Variants in IAPP observed in about 807,000 individuals in gnomAD.
IAPP encodes Islet amyloid polypeptide (diabetes-associated peptide; amylin).
In IAPP, 4 loss-of-function variants were observed where a neutral mutation model predicts 2.9. The ratio of observed to expected loss-of-function variants is 1.39; its 90% CI spans 0.69 to 3.19. IAPP has a LOEUF of 3.19. IAPP is among the 30% of genes most tolerant of loss of function. IAPP has a pLI of 0.01. For missense variants in IAPP, 114 were observed against 105.3 expected (o/e 1.08, Z -0.36); for synonymous variants, 40 against 42.1 (o/e 0.95, Z 0.19).
At position 21,378,709 on chromosome 12, in the gene IAPP, C is replaced by G. The variant is rs552412745; in HGVS notation, c.*283C>G. 3.4e-6 allele frequency: 1 copy of G among 298,338 alleles called. No homozygotes were observed. The highest frequency in any genetic ancestry group is 6.3e-6 in the Non-Finnish European group (1 of 159,278). 18.5% of individuals were successfully genotyped at this position (298,338 alleles called of 1,614,324 possible). A position where few individuals can be genotyped will look rare whatever the true frequency, so the allele number is the denominator to read the frequency against. Reference sequence around the variant, plus strand: ...TATCTCAGTGGCACAGGTTTAAGAACGAAGGAGAAAAAGGTAGTTTGAACC... The same window carrying G: ...TATCTCAGTGGCACAGGTTTAAGAAGGAAGGAGAAAAAGGTAGTTTGAACC... On this transcript the variant is annotated 3_prime_UTR_variant, in exon 3 of 3. Transcript: ENST00000240652.
At chr12:21,355,529 T>A (rs775808230) in intron 1 of IAPP, among the ~76,000 whole-genome samples, 2 of 152,104 alleles carry the variant, frequency 1.3e-5, no homozygotes, top group Non-Finnish European at 2.9e-5. Context: ...AAACTTTGAG[T>A]CTGTCTCAAG....
intron 2 of IAPP, among the ~76,000 whole-genome samples, chr12:21,374,106 G>A (rs1406490467): frequency 6.6e-6 from 1 of 152,076 alleles, no homozygotes; most frequent in Non-Finnish European, 1.5e-5. Flanking sequence ...CTTTCAGTAG[G>A]TAGCATGTAT....
chr12:21,373,796 A>G, intron 2 of IAPP: 4 of 653,032 alleles, frequency 6.1e-6, no homozygotes, highest in South Asian at 1.7e-5. Flanking sequence ...ACTAAAGCAT[A>G]TATTTTTATA....
intron 1 of IAPP, among the ~76,000 whole-genome samples, chr12:21,359,204 C>T (rs1314006213): frequency 6.6e-6 from 1 of 152,134 alleles, no homozygotes; most frequent in Non-Finnish European, 1.5e-5. Flanking sequence ...TCCTTCCAAG[C>T]ATCCAGGTAA....
chr12:21,362,921 C>T (rs558177910), intron 1 of IAPP, among the ~76,000 whole-genome samples: 1 of 152,282 alleles, frequency 6.6e-6, no homozygotes, highest in African/African-American at 2.4e-5. Context: ...TACAAAGAGA[C>T]TTAGACTCCC....
chr12:21,362,758 G>A (rs1939022963), intron 1 of IAPP, among the ~76,000 whole-genome samples: 1 of 152,166 alleles, frequency 6.6e-6, no homozygotes, highest in African/African-American at 2.4e-5. Flanking sequence ...CCTAGTCTCT[G>A]ATAAAACAGA....
chr12:21,370,428 A>G (rs1396887278), upstream of IAPP, among the ~76,000 whole-genome samples: 1 of 149,358 alleles, frequency 6.7e-6, no homozygotes, highest in Non-Finnish European at 1.5e-5. Flanking sequence ...TGCTGCACCC[A>G]TCAACTCGTC....
chr12:21,365,471 C>A (rs1939300858), intron 1 of IAPP, among the ~76,000 whole-genome samples: 1 of 152,196 alleles, frequency 6.6e-6, no homozygotes, highest in Non-Finnish European at 1.5e-5. Context: ...CCATACCATT[C>A]AGGACATAGG....
At chr12:21,365,153 A>G (rs1939270412) in intron 1 of IAPP, among the ~76,000 whole-genome samples, 1 of 152,232 alleles carries the variant, frequency 6.6e-6, no homozygotes, top group Non-Finnish European at 1.5e-5. Flanking sequence ...ACTATACTAC[A>G]AGGCTACAGT....
At chr12:21,358,338 T>C (rs1309304595) in intron 1 of IAPP, among the ~76,000 whole-genome samples, 1 of 152,182 alleles carries the variant, frequency 6.6e-6, no homozygotes, top group African/African-American at 2.4e-5. Flanking sequence ...AGAAAAAGTA[T>C]TGTTTGATAC....
At chr12:21,367,542 T>C (rs543270881) in intron 1 of IAPP, among the ~76,000 whole-genome samples, 37 of 152,268 alleles carry the variant, frequency 2.4e-4, no homozygotes, top group African/African-American at 8.7e-4. Flanking sequence ...TCATATCATA[T>C]TTTATCATTC....
chr12:21,359,891 C>T (rs1398480308), intron 1 of IAPP, among the ~76,000 whole-genome samples: 4 of 152,070 alleles, frequency 2.6e-5, no homozygotes, highest in Admixed American at 6.6e-5. Context: ...AGAAACAACC[C>T]GAAGTCCATT....
At chr12:21,376,776 C>T (rs933294219) in intron 2 of IAPP, among the ~76,000 whole-genome samples, 3 of 151,984 alleles carry the variant, frequency 2.0e-5, no homozygotes, top group African/African-American at 7.2e-5. Context: ...TGAGATAAAT[C>T]CATTGCATTT....
chr12:21,378,388 G>A lies in IAPP; in HGVS notation c.232G>A (p.Val78Ile). Residue 78 changes from valine to isoleucine, a missense_variant, in exon 3 of 3, where the codon GTT becomes ATT. Val to Ile is a conservative substitution (Grantham distance 29). Coordinates refer to ENST00000240652, the MANE Select transcript of IAPP (RefSeq NM_000415.3). ...NTYGKRNAVE[V>I]LKREPLNYLP... ...ATATGGCAAGAGGAATGCAGTAGAG[G>A]TTTTAAAGAGAGAGCCACTGAATTA... is the stretch of plus-strand genomic sequence containing the variant. The A allele has an allele frequency of 1.2e-6, 2 of 1,614,126 alleles. No homozygotes were observed. The highest frequency in any genetic ancestry group is 1.7e-6 in the Non-Finnish European group (2 of 1,179,982).
chr12:21,378,480 AT>A lies in IAPP; in HGVS notation c.*57del. On this transcript the variant is annotated 3_prime_UTR_variant, in exon 3 of 3. Coordinates refer to ENST00000240652, the MANE Select transcript of IAPP (RefSeq NM_000415.3). ...TTATGTTCTAGTGATTTCCTGTATA[AT>A]TTAACAGTGCCCTTTTCATCTCCAG... 1.8e-5 allele frequency: 26 copies of A among 1,428,038 alleles called. No individual in the cohort carries two copies. The highest frequency in any genetic ancestry group is 2.5e-5 in the Non-Finnish European group (25 of 1,010,918). The allele number at this position is 1,428,038 out of a possible 1,614,324, so 88.5% of individuals were successfully genotyped here. A position where few individuals can be genotyped will look rare whatever the true frequency, so the allele number is the denominator to read the frequency against.
chr12:21,376,515 T>G (rs1940203811), intron 2 of IAPP, among the ~76,000 whole-genome samples: 2 of 152,090 alleles, frequency 1.3e-5, no homozygotes, highest in South Asian at 2.1e-4. Flanking sequence ...TTGATATAGG[T>G]TAAATAATTA....
intron 1 of IAPP, among the ~76,000 whole-genome samples, chr12:21,360,731 G>T (rs1227662581): frequency 6.6e-6 from 1 of 152,216 alleles, no homozygotes; most frequent in Non-Finnish European, 1.5e-5. Flanking sequence ...GGCACACCAG[G>T]AGATTATATC....
At chr12:21,358,567 T>C (rs977567977) in intron 1 of IAPP, among the ~76,000 whole-genome samples, 18 of 152,182 alleles carry the variant, frequency 1.2e-4, no homozygotes, top group Non-Finnish European at 2.4e-4. Flanking sequence ...TTGTGTATAG[T>C]TCTATCATCA....
chr12:21,373,055 C>T (rs562344252), intron 1 of IAPP, 51 bp downstream of exon 1: 3 of 366,072 alleles, frequency 8.2e-6, no homozygotes, highest in East Asian at 5.8e-5. Context: ...GAGAAATGCA[C>T]ACTTGGTGTT....
Sources: allele counts gnomAD v4.1 joint callset (sites outside exome capture counted in the v4.1 genomes callset), GRCh38; gene constraint gnomAD v4.1.1; transcripts MANE v1.5; gene names NCBI Gene and HGNC (gene_info 2026-07-23, HGNC 2026-07-21).